PLSCR2: variants seen among roughly 807,000 people sequenced by gnomAD.
PLSCR2 encodes PL scramblase 2.
A neutral mutation model predicts 25.3 loss-of-function variants in PLSCR2; 18 were observed. That is an observed-to-expected ratio of 0.71 (90% CI 0.49 to 1.06). The LOEUF is 1.06. PLSCR2 is among the 50% of genes least tolerant of loss of function. PLSCR2 has a pLI of 0.00. For synonymous variants in PLSCR2, 88 were observed against 87.3 expected (o/e 1.01, Z -0.04); for missense variants, 243 against 269.5 (o/e 0.90, Z 0.69).
chr3:146,430,194 C>A (rs1354248828), downstream of PLSCR2, among the ~76,000 whole-genome samples: 1 of 152,096 alleles, frequency 6.6e-6, no homozygotes, highest in Admixed American at 6.5e-5. Context: ...TAAATGGAAG[C>A]CAAAGAAACC....
intron 2 of PLSCR2, among the ~76,000 whole-genome samples, chr3:146,400,506 T>C (rs2038431125): frequency 6.6e-6 from 1 of 151,528 alleles, no homozygotes; most frequent in African/African-American, 2.4e-5. Context: ...AGGAGAAATA[T>C]GCCATAGCCA....
At chr3:146,458,152 A>C (rs1466700514) in intron 3 of PLSCR2, among the ~76,000 whole-genome samples, 1 of 152,172 alleles carries the variant, frequency 6.6e-6, no homozygotes, top group Non-Finnish European at 1.5e-5. Flanking sequence ...AATTTCTAAA[A>C]ATATGTTTTT....
At chr3:146,452,848 C>T (rs545416119) in intron 5 of PLSCR2, among the ~76,000 whole-genome samples, 1 of 151,894 alleles carries the variant, frequency 6.6e-6, no homozygotes, top group Non-Finnish European at 1.5e-5. Context: ...CATATCCCTA[C>T]ATAAAGTTCC....
chr3:146,449,968 T>C (rs2040806283), intron 5 of PLSCR2, among the ~76,000 whole-genome samples: 1 of 151,940 alleles, frequency 6.6e-6, no homozygotes, highest in Non-Finnish European at 1.5e-5. Context: ...AGCTAACTAG[T>C]GGGGTGTGAA....
At chr3:146,438,728 A>T (rs1177767404), downstream of PLSCR2, among the ~76,000 whole-genome samples, 1 of 152,048 alleles carries the variant, frequency 6.6e-6, no homozygotes, top group East Asian at 1.9e-4. Context: ...CTCTTTATCC[A>T]ATTTGCCAGT....
chr3:146,493,272 G>T (rs552994813), intron 1 of PLSCR2, among the ~76,000 whole-genome samples: 1 of 151,938 alleles, frequency 6.6e-6, no homozygotes, highest in Non-Finnish European at 1.5e-5. Flanking sequence ...TGAGGAGGAG[G>T]GACTATCTTC....
rs370692004 is a variant in PLSCR2, at chr3:146,423,803, A to G, written c.101-27882T>C. On this transcript the variant is annotated intron_variant and NMD_transcript_variant, in intron 2 of 3. Transcript: ENST00000463633. ...CTGGTTTTAAAGATGGAAGGAGGCC[A>G]CAAGTCAAGAAACAGAGGTGGTCTC... is the stretch of plus-strand genomic sequence containing the variant. 3.4e-4 allele frequency among the ~76,000 whole-genome samples: 52 copies of G among 152,202 alleles called. No individual in the cohort carries two copies. The South Asian group carries it at 9.9e-3, about 29-fold the overall frequency.
Position 146,468,782 on chromosome 3 carries a change from G to A in PLSCR2, c.-292-8498C>T, listed in dbSNP as rs1434576660. ...TTGAAATTATTCATGATTCATGTCCGTTGCATTTATGTTCCTATTTCGTTG... is the reference window on the plus strand; with the variant it reads ...TTGAAATTATTCATGATTCATGTCCATTGCATTTATGTTCCTATTTCGTTG... On this transcript the variant is annotated intron_variant, in intron 1 of 8. Transcript: ENST00000336685. Among the ~76,000 whole-genome samples, 4 of 151,458 alleles carry A rather than the reference G, an allele frequency of 2.6e-5. No homozygotes were observed. In the East Asian group the frequency reaches 5.8e-4, roughly 22 times the overall value.
At chr3:146,420,230 C>A (rs918595464) in intron 2 of PLSCR2, among the ~76,000 whole-genome samples, 5 of 151,924 alleles carry the variant, frequency 3.3e-5, no homozygotes, top group South Asian at 2.1e-4. Flanking sequence ...TTTTCAGACA[C>A]CCTCACTCTA....
At chr3:146,413,762 T>G (rs1236737856) in intron 2 of PLSCR2, among the ~76,000 whole-genome samples, 1 of 152,242 alleles carries the variant, frequency 6.6e-6, no homozygotes, top group Non-Finnish European at 1.5e-5. Context: ...TATTCTCTTC[T>G]GGGTCCTCAC....
At chr3:146,433,945 C>A (rs1297960289) in intron 8 of PLSCR2, among the ~76,000 whole-genome samples, 1 of 152,036 alleles carries the variant, frequency 6.6e-6, no homozygotes, top group African/African-American at 2.4e-5. Flanking sequence ...AAAGGGATAC[C>A]CTTATTTCCT....
chr3:146,478,898 G>C (rs143709558), intron 1 of PLSCR2, among the ~76,000 whole-genome samples: 8 of 152,132 alleles, frequency 5.3e-5, no homozygotes, highest in African/African-American at 1.7e-4. Context: ...CGGATCTCTC[G>C]GCAGAAACTC....
chr3:146,444,036 A>C (rs1427568531), intron 6 of PLSCR2, among the ~76,000 whole-genome samples: 3 of 151,890 alleles, frequency 2.0e-5, no homozygotes, highest in East Asian at 1.9e-4. Context: ...ATTTAGGAGC[A>C]TATTGTTTAA....
chr3:146,417,591 A>G (rs2108063333), intron 2 of PLSCR2, among the ~76,000 whole-genome samples: 1 of 152,286 alleles, frequency 6.6e-6, no homozygotes. Context: ...TCAGTTAACA[A>G]CTGTATGTTT....
intron 1 of PLSCR2, among the ~76,000 whole-genome samples, chr3:146,483,476 TGTGTATATATA>T (rs2043219559): frequency 2.5e-5 from 1 of 39,912 alleles, no homozygotes; most frequent in African/African-American, 1.3e-4. Context: ...TATATATACA[TGTGTATATATA>T]TATATATATA....
chr3:146,492,646 A>T (rs1012998118), intron 1 of PLSCR2, among the ~76,000 whole-genome samples: 2 of 152,110 alleles, frequency 1.3e-5, no homozygotes, highest in African/African-American at 2.4e-5. Flanking sequence ...CAGCTAAAGA[A>T]GTAGGAAGGG....
At chr3:146,457,102 A>G (rs2041262204) in intron 3 of PLSCR2, among the ~76,000 whole-genome samples, 1 of 152,208 alleles carries the variant, frequency 6.6e-6, no homozygotes, top group African/African-American at 2.4e-5. Context: ...CATTATAAAT[A>G]TCTAATCACG....
intron 2 of PLSCR2, among the ~76,000 whole-genome samples, chr3:146,424,980 T>C (rs1424969863): frequency 6.6e-6 from 1 of 152,054 alleles, no homozygotes; most frequent in Non-Finnish European, 1.5e-5. Flanking sequence ...AGAAATAATA[T>C]ATATGGAACC....
chr3:146,469,338 C>G, intron 1 of PLSCR2, 157 bp downstream of exon 1: 2 of 981,200 alleles, frequency 2.0e-6, no homozygotes, highest in African/African-American at 3.5e-5. Flanking sequence ...GGGCCCCTTG[C>G]CGAGTTTCCG....
Sources: gnomAD v4.1 joint callset for allele counts (sites outside exome capture counted in the v4.1 genomes callset) on GRCh38, gnomAD v4.1.1 for gene constraint, MANE v1.5 for transcripts, NCBI Gene and HGNC (gene_info 2026-07-23, HGNC 2026-07-21) for gene names.